Variants in KCNQ3 observed in about 807,000 individuals in gnomAD.
KCNQ3 encodes potassium voltage-gated channel subfamily Q member 3.
In KCNQ3, 30 loss-of-function variants were observed where a neutral mutation model predicts 92.5. That is an observed-to-expected ratio of 0.32 (90% confidence interval 0.24 to 0.44). KCNQ3 has a LOEUF of 0.44. Ranked by LOEUF, KCNQ3 falls within the 20% of genes least tolerant of loss-of-function variation. The probability of loss-of-function intolerance (pLI) is 1.00; values close to 1 mark genes in which losing one functional copy is unlikely to be tolerated. For missense variants in KCNQ3, 913 were observed against 1,140.3 expected (o/e 0.80, Z 2.87); for synonymous variants, 450 against 468.8 (o/e 0.96, Z 0.52).
intron 1 of KCNQ3, among the ~76,000 whole-genome samples, chr8:132,257,819 A>G (rs2130460472): frequency 6.6e-6 from 1 of 152,108 alleles, no homozygotes; most frequent in Non-Finnish European, 1.5e-5. Flanking sequence ...AATATAAACT[A>G]TAGAAAAACA....
chr8:132,229,478 T>C (rs535108586), intron 1 of KCNQ3, among the ~76,000 whole-genome samples: 8 of 152,108 alleles, frequency 5.3e-5, no homozygotes, highest in Non-Finnish European at 1.0e-4. Context: ...CATGGCTAGC[T>C]GGTGCCCTTG....
chr8:132,422,221 C>T (rs745906771), intron 1 of KCNQ3, among the ~76,000 whole-genome samples: 6 of 152,128 alleles, frequency 3.9e-5, no homozygotes, highest in African/African-American at 4.8e-5. Context: ...CAGAGACCCA[C>T]GAGCCATCCC....
chr8:132,212,248 T>C (rs1358997165), intron 1 of KCNQ3, among the ~76,000 whole-genome samples: 1 of 152,014 alleles, frequency 6.6e-6, no homozygotes, highest in African/African-American at 2.4e-5. Context: ...ATTCCTGCAA[T>C]TCCTATGGCT....
intron 2 of KCNQ3, among the ~76,000 whole-genome samples, chr8:132,185,219 C>G (rs890373414): frequency 1.1e-4 from 17 of 152,200 alleles, no homozygotes; most frequent in Admixed American, 1.1e-3. Context: ...TCTGGTGCCT[C>G]GATGGCTTGC....
At chr8:132,133,015 A>T (rs1445618955) in intron 13 of KCNQ3, among the ~76,000 whole-genome samples, 1 of 152,202 alleles carries the variant, frequency 6.6e-6, no homozygotes, top group Non-Finnish European at 1.5e-5. Flanking sequence ...CTAAATTTTA[A>T]AAAGATGTCA....
intron 1 of KCNQ3, among the ~76,000 whole-genome samples, chr8:132,274,359 A>T (rs1022568199): frequency 2.5e-4 from 38 of 152,198 alleles, no homozygotes; most frequent in Non-Finnish European, 4.3e-4. Context: ...GAGCAGCACA[A>T]GAAAGACCTG....
chr8:132,278,907 G>A (rs573288009), intron 1 of KCNQ3, among the ~76,000 whole-genome samples: 76 of 152,200 alleles, frequency 5.0e-4, no homozygotes, highest in African/African-American at 1.7e-3. Context: ...AGTATCAGTA[G>A]AGGGGCTTCA....
chr8:132,310,069 A>C (rs776433956), intron 1 of KCNQ3, among the ~76,000 whole-genome samples: 1 of 152,214 alleles, frequency 6.6e-6, no homozygotes, highest in Non-Finnish European at 1.5e-5. Flanking sequence ...TAAATAGGTT[A>C]CCATAGGAAT....
chr8:132,305,436 G>T (rs1200796947), intron 1 of KCNQ3, among the ~76,000 whole-genome samples: 1 of 152,180 alleles, frequency 6.6e-6, no homozygotes, highest in Non-Finnish European at 1.5e-5. Flanking sequence ...AATCTTACAA[G>T]TACCTTCCCT....
chr8:132,234,338 GTTTTTTTTT>G (rs756218792), intron 1 of KCNQ3, among the ~76,000 whole-genome samples: 9,542 of 85,916 alleles, frequency 0.11, 517 homozygotes, highest in African/African-American at 0.19. Flanking sequence ...TCCATGAAAA[GTTTTTTTTT>G]TTTTTTTTTT....
At chr8:132,164,258 C>G (rs16904611) in intron 8 of KCNQ3, among the ~76,000 whole-genome samples, 24,963 of 151,830 alleles carry the variant, frequency 0.16, 2,462 homozygotes, top group African/African-American at 0.25. Flanking sequence ...CCAAGGTCTA[C>G]ACTGAGCAAA....
intron 1 of KCNQ3, among the ~76,000 whole-genome samples, chr8:132,400,290 G>C (rs1238351748): frequency 6.6e-6 from 1 of 152,210 alleles, no homozygotes; most frequent in Non-Finnish European, 1.5e-5. Flanking sequence ...ACCTGACACA[G>C]AGCTGGGTTC....
intron 1 of KCNQ3, among the ~76,000 whole-genome samples, chr8:132,187,978 A>G (rs1354420362): frequency 7.1e-6 from 1 of 141,196 alleles, no homozygotes; most frequent in Non-Finnish European, 1.6e-5. Context: ...AACATCAGTA[A>G]CTGTTACTAC....
At chr8:132,160,051 A>G (rs922467213) in intron 9 of KCNQ3, among the ~76,000 whole-genome samples, 4 of 152,190 alleles carry the variant, frequency 2.6e-5, no homozygotes, top group African/African-American at 9.7e-5. Context: ...GGCAATCATC[A>G]TAGGATCATG....
intron 1 of KCNQ3, among the ~76,000 whole-genome samples, chr8:132,476,359 C>T (rs1400300034): frequency 6.6e-6 from 1 of 152,222 alleles, no homozygotes; most frequent in African/African-American, 2.4e-5. Context: ...GATCCACAGA[C>T]AGCTTGCACT....
At chr8:132,272,550 G>C (rs548025990) in intron 1 of KCNQ3, among the ~76,000 whole-genome samples, 1 of 152,296 alleles carries the variant, frequency 6.6e-6, no homozygotes, top group African/African-American at 2.4e-5. Context: ...TGGACTTACA[G>C]TTCCACATGG....
At chr8:132,447,160 C>A (rs1366589054) in intron 1 of KCNQ3, 1 of 1,503,718 alleles carries the variant, frequency 6.7e-7, no homozygotes, top group Non-Finnish European at 8.9e-7. Context: ...TCTTAGGATG[C>A]TCTGTTTTCA....
At chr8:132,414,690 A>ACAGG (rs1320861118) in intron 1 of KCNQ3, among the ~76,000 whole-genome samples, 1 of 152,018 alleles carries the variant, frequency 6.6e-6, no homozygotes, top group African/African-American at 2.4e-5. Flanking sequence ...AGGTGGAGAG[A>ACAGG]CAGGTGGCAT....
At chr8:132,205,726 T>C (rs926530934) in intron 1 of KCNQ3, among the ~76,000 whole-genome samples, 2 of 152,160 alleles carry the variant, frequency 1.3e-5, no homozygotes, top group Non-Finnish European at 2.9e-5. Flanking sequence ...TAGAAACTGG[T>C]GAGAAAGGAT....
Sources: gnomAD v4.1 joint callset for allele counts (sites outside exome capture counted in the v4.1 genomes callset) on GRCh38, gnomAD v4.1.1 for gene constraint, MANE v1.5 for transcripts, NCBI Gene and HGNC (gene_info 2026-07-23, HGNC 2026-07-21) for gene names.